Variants in LRRC4C observed in about 807,000 individuals in gnomAD.
LRRC4C encodes the protein leucine rich repeat containing 4C.
In LRRC4C, 5 loss-of-function variants were observed where a neutral mutation model predicts 33.6. The ratio of observed to expected loss-of-function variants is 0.15; its 90% confidence interval spans 0.08 to 0.31. The LOEUF (loss-of-function observed/expected upper bound fraction) is 0.31, where lower values mean the gene tolerates loss of function less well. Ranked by LOEUF, LRRC4C falls within the 10% of genes least tolerant of loss-of-function variation. The pLI, the probability that LRRC4C is intolerant of heterozygous loss-of-function variation, is 1.00. For synonymous variants in LRRC4C, 329 were observed against 302.0 expected (o/e 1.09, Z -0.93); for missense variants, 560 against 796.7 (o/e 0.70, Z 3.58).
rs539106340 is a variant in LRRC4C at position 40,553,107 on chromosome 11, C to A, written c.-270+95035G>T. Among the ~76,000 whole-genome samples the A allele has an allele frequency of 5.3e-5, 8 of 152,122 alleles. No individual in the cohort carries two copies. The South Asian group carries it at 1.7e-3, about 32-fold the overall frequency. On this transcript the variant is annotated intron_variant, in intron 3 of 6. Coordinates refer to ENST00000528697, the MANE Select transcript of LRRC4C (RefSeq NM_001258419.2). The stretch of plus-strand genomic sequence containing the variant: ...CCTACGTGGCAAAACCCTGTCTCTA[C>A]TAAAAATACAAAAAATTAGCCCGGC...
intron 2 of LRRC4C, among the ~76,000 whole-genome samples, chr11:40,903,158 A>G (rs2136204730): frequency 6.6e-6 from 1 of 152,290 alleles, no homozygotes; most frequent in African/African-American, 2.4e-5. Context: ...GCTAATGCCC[A>G]TTTACCATTC....
intron 3 of LRRC4C, among the ~76,000 whole-genome samples, chr11:40,564,852 G>T (rs10837436): frequency 0.24 from 36,407 of 152,088 alleles, 4,930 homozygotes; most frequent in East Asian, 0.57. Flanking sequence ...CAAGAGATAG[G>T]AGGACGGCTC....
At chr11:40,495,290 C>G (rs555142082) in intron 3 of LRRC4C, among the ~76,000 whole-genome samples, 2 of 151,974 alleles carry the variant, frequency 1.3e-5, no homozygotes, top group Non-Finnish European at 2.9e-5. Flanking sequence ...ACAACCTCTC[C>G]GCCCCCCCCG....
chr11:40,481,128 A>G (rs1440288288), intron 3 of LRRC4C, among the ~76,000 whole-genome samples: 2 of 152,062 alleles, frequency 1.3e-5, no homozygotes, highest in Non-Finnish European at 2.9e-5. Flanking sequence ...TACGTCCAAC[A>G]CAAAGGAAGC....
intron 3 of LRRC4C, among the ~76,000 whole-genome samples, chr11:40,570,798 G>T (rs927710105): frequency 2.6e-5 from 4 of 151,746 alleles, no homozygotes; most frequent in Non-Finnish European, 5.9e-5. Flanking sequence ...TTGATTCTTT[G>T]ATGTGCTATC....
intron 1 of LRRC4C, among the ~76,000 whole-genome samples, chr11:41,356,605 A>G (rs930555319): frequency 1.3e-5 from 2 of 152,200 alleles, no homozygotes; most frequent in African/African-American, 2.4e-5. Flanking sequence ...CATGACTTTA[A>G]TCCTCCATCC....
chr11:40,457,739 A>T (rs1176112024), intron 3 of LRRC4C, among the ~76,000 whole-genome samples: 3 of 152,128 alleles, frequency 2.0e-5, no homozygotes, highest in South Asian at 2.1e-4. Flanking sequence ...TTGGACACTA[A>T]ATACTGTTAT....
At chr11:41,212,168 C>T (rs1946850748) in intron 1 of LRRC4C, among the ~76,000 whole-genome samples, 1 of 152,162 alleles carries the variant, frequency 6.6e-6, no homozygotes, top group South Asian at 2.1e-4. Flanking sequence ...CATAGTCTTC[C>T]TTTTCACAAC....
At chr11:40,649,392 C>T (rs1443891886) in intron 2 of LRRC4C, among the ~76,000 whole-genome samples, 1 of 152,152 alleles carries the variant, frequency 6.6e-6, no homozygotes, top group African/African-American at 2.4e-5. Context: ...ATCTTCCCTA[C>T]TTGCACATCC....
At chr11:40,235,828 T>C (rs553494701) in intron 5 of LRRC4C, among the ~76,000 whole-genome samples, 43 of 152,298 alleles carry the variant, frequency 2.8e-4, no homozygotes, top group African/African-American at 9.6e-4. Flanking sequence ...CCCAATTCCA[T>C]GGATCTGTTC....
chr11:40,994,473 A>G (rs1226049848), intron 1 of LRRC4C, among the ~76,000 whole-genome samples: 1 of 152,110 alleles, frequency 6.6e-6, no homozygotes, highest in Non-Finnish European at 1.5e-5. Context: ...ACATAGGGTG[A>G]CGGTGATCCT....
intron 3 of LRRC4C, among the ~76,000 whole-genome samples, chr11:40,495,001 A>G (rs987367007): frequency 3.9e-5 from 6 of 152,240 alleles, no homozygotes; most frequent in Non-Finnish European, 8.8e-5. Flanking sequence ...AAATGTACAC[A>G]TAAAGTTCAG....
At chr11:40,644,422 A>AT (rs1942316170) in intron 3 of LRRC4C, among the ~76,000 whole-genome samples, 1 of 152,164 alleles carries the variant, frequency 6.6e-6, no homozygotes, top group South Asian at 2.1e-4. Context: ...TTGTCTGGCC[A>AT]TTTTTTCCCT....
intron 1 of LRRC4C, among the ~76,000 whole-genome samples, chr11:41,225,478 T>C (rs1397792757): frequency 4.6e-5 from 7 of 151,978 alleles, no homozygotes. Flanking sequence ...CTTGAGAGAC[T>C]AAGGGAGTTT....
chr11:40,225,790 T>G (rs57575594), intron 5 of LRRC4C, among the ~76,000 whole-genome samples: 1 of 152,230 alleles, frequency 6.6e-6, no homozygotes, highest in Non-Finnish European at 1.5e-5. Flanking sequence ...CTAATATTTT[T>G]CTATTTTTAG....
chr11:41,007,847 T>C (rs1047372363), intron 1 of LRRC4C, among the ~76,000 whole-genome samples: 5 of 152,132 alleles, frequency 3.3e-5, no homozygotes, highest in Non-Finnish European at 5.9e-5. Context: ...ATACAGCTAT[T>C]ACAGAATGCT....
intron 3 of LRRC4C, among the ~76,000 whole-genome samples, chr11:40,367,410 C>A (rs993435620): frequency 2.0e-5 from 3 of 152,030 alleles, no homozygotes; most frequent in Non-Finnish European, 4.4e-5. Context: ...GAAAAAGGTC[C>A]CACCACTGAA....
intron 1 of LRRC4C, among the ~76,000 whole-genome samples, chr11:41,111,325 G>A (rs1369834809): frequency 6.6e-6 from 1 of 151,972 alleles, no homozygotes; most frequent in Non-Finnish European, 1.5e-5. Context: ...AAGTTGTTGT[G>A]AGAGCCCAGT....
chr11:40,751,824 T>C (rs1409177411), intron 2 of LRRC4C, among the ~76,000 whole-genome samples: 1 of 151,948 alleles, frequency 6.6e-6, no homozygotes, highest in African/African-American at 2.4e-5. Flanking sequence ...AGTACAAAAC[T>C]AAAGGTATCA....
Sources: gnomAD v4.1 joint callset for allele counts (sites outside exome capture counted in the v4.1 genomes callset) on GRCh38, gnomAD v4.1.1 for gene constraint, MANE v1.5 for transcripts, NCBI Gene and HGNC (gene_info 2026-07-23, HGNC 2026-07-21) for gene names.